Variants in PLEKHH3 observed in about 807,000 individuals in gnomAD.
PLEKHH3 encodes pleckstrin homology domain-containing family H member 3.
Under a neutral mutation model 77.8 loss-of-function variants are expected in PLEKHH3, and 57 were observed. The observed-to-expected ratio is 0.73, with a 90% confidence interval of 0.59 to 0.91. The LOEUF is 0.91. Ranked by LOEUF, PLEKHH3 falls within the 40% of genes least tolerant of loss-of-function variation. PLEKHH3 has a pLI of 0.00. For synonymous variants in PLEKHH3, 467 were observed against 504.8 expected (o/e 0.93, Z 1.00); for missense variants, 1,082 against 1,091.2 (o/e 0.99, Z 0.12).
chr17:42,674,755 C>T (rs1212193297), intron 1 of PLEKHH3: 1 of 274,382 alleles, frequency 3.6e-6, no homozygotes, highest in Non-Finnish European at 6.8e-6. Context: ...GAACCTTGGG[C>T]AAGTCTCTTC....
intron 2 of PLEKHH3, 56 bp downstream of exon 2, chr17:42,674,298 G>T: frequency 6.6e-7 from 1 of 1,506,052 alleles, no homozygotes; most frequent in Non-Finnish European, 8.9e-7. Context: ...GAGAGGATGG[G>T]GGTCCCGGGA....
chr17:42,676,379 G>A lies in PLEKHH3; in HGVS notation c.162+23C>T. The stretch of plus-strand genomic sequence containing the variant: ...GTTACAGCGAGAGTGATTGAGACGA[G>A]GCTCCGAACCCCCGGGACTTACCCT... On this transcript the variant is annotated intron_variant, in intron 1 of 12. Transcript: ENST00000591022. The surrounding 1 kb of genome is among the most constrained non-coding windows in gnomAD (Gnocchi z 6.6). 6.2e-7 allele frequency: 1 copy of A among 1,611,616 alleles called. No homozygotes were observed. Among genetic ancestry groups the A allele is most frequent in the Non-Finnish European group, 8.5e-7 (1 of 1,179,012 alleles).
chr17:42,670,390 AC>A lies in PLEKHH3; in HGVS notation c.1555-15del, dbSNP rs2052667078. On this transcript the variant is annotated splice_polypyrimidine_tract_variant and intron_variant, in intron 10 of 12. Coordinates refer to ENST00000591022, the MANE Select transcript of PLEKHH3 (RefSeq NM_024927.5). Reference sequence around the variant, plus strand: ...CAGAGCGTGAGCCTGCAGGGGAGGCACCCGGCGTCAGTGTACGAGCGGCGGC... The same window carrying A: ...CAGAGCGTGAGCCTGCAGGGGAGGCACCGGCGTCAGTGTACGAGCGGCGGC... The A allele has an allele frequency of 1.4e-6, 2 of 1,442,922 alleles. No homozygotes were observed. The highest frequency in any genetic ancestry group is 1.8e-6 in the Non-Finnish European group (2 of 1,106,268). 89.4% of individuals were successfully genotyped at this position (1,442,922 alleles called of 1,614,324 possible).
At chr17:42,674,150 TC>T (rs1237379469) in intron 2 of PLEKHH3, 137 bp from the exon 3 acceptor site, 1 of 1,113,718 alleles carries the variant, frequency 9.0e-7, no homozygotes, top group Non-Finnish European at 1.3e-6. Flanking sequence ...GCTGGGCCAT[TC>T]TGACCTCGAA....
Position 42,669,429 on chromosome 17 carries a change from C to T in PLEKHH3, c.2205+1G>A, listed in dbSNP as rs571544755. On this transcript the variant is annotated splice_donor_variant, in intron 12 of 12. Coordinates refer to ENST00000591022, the MANE Select transcript of PLEKHH3 (RefSeq NM_024927.5). LOFTEE classifies it high-confidence loss of function. ...CTCCCACAACTCCTCTTCTCACTCA[C>T]CTGGGGGCTCTGCAGGAGGAGCTGG... 2.6e-6 allele frequency: 4 copies of T among 1,536,512 alleles called. No homozygotes were observed. Among genetic ancestry groups the T allele is most frequent in the South Asian group, 2.5e-5 (2 of 80,136 alleles).
At chr17:42,668,533 C>T (rs2052607023) in intron 12 of PLEKHH3, 1 of 301,116 alleles carries the variant, frequency 3.3e-6, no homozygotes, top group Non-Finnish European at 6.1e-6. Flanking sequence ...TCTCAGCTCA[C>T]TGCAAGCTCC....
Position 42,671,627 on chromosome 17 carries a change from C to T in PLEKHH3, c.1077-69G>A. ...TTCTCCCCCTCCCTCTTGCCTGCTT[C>T]TCTTATAGTTTATTTTATCTAGCCG... On this transcript the variant is annotated intron_variant, in intron 7 of 12. Transcript: ENST00000591022. The surrounding 1 kb of genome is among the most constrained non-coding windows in gnomAD (Gnocchi z 4.7). 1 of 1,451,924 alleles carries T rather than the reference C, an allele frequency of 6.9e-7. No homozygotes were observed. The highest frequency in any genetic ancestry group is 9.3e-7 in the Non-Finnish European group (1 of 1,077,274). The allele number at this position is 1,451,924 out of a possible 1,614,324, so 89.9% of individuals were successfully genotyped here.
rs982166534 is a variant in PLEKHH3 at position 42,671,305 on chromosome 17, G to T, written c.1284+46C>A. On this transcript the variant is annotated intron_variant, in intron 8 of 12. Coordinates refer to ENST00000591022, the MANE Select transcript of PLEKHH3 (RefSeq NM_024927.5). This position sits in a 1 kb window ranked among gnomAD's most constrained non-coding sequence, Gnocchi z 4.7. ...GAAGAGGGAGAGACAGGCGTGAGAAGCTGGCAGGGTGGGTTGGAGGTCATG... is the reference window on the plus strand; with the variant it reads ...GAAGAGGGAGAGACAGGCGTGAGAATCTGGCAGGGTGGGTTGGAGGTCATG... 1.9e-6 allele frequency: 3 copies of T among 1,593,316 alleles called. No individual in the cohort carries two copies. Among genetic ancestry groups the T allele is most frequent in the Non-Finnish European group, 1.7e-6 (2 of 1,166,886 alleles).
At chr17:42,675,876 G>C (rs2052813561) in intron 1 of PLEKHH3, 1 of 1,002,820 alleles carries the variant, frequency 1.0e-6, no homozygotes. Flanking sequence ...AGGGTAATGA[G>C]GAGGGGTCCT....
Position 42,676,542 on chromosome 17 carries a change from A to C in PLEKHH3, c.22T>G (p.Trp8Gly). The C allele has an allele frequency of 6.4e-7, 1 of 1,572,198 alleles. No individual in the cohort carries two copies. Among genetic ancestry groups the C allele is most frequent in the Non-Finnish European group, 8.6e-7 (1 of 1,158,688 alleles). The change falls in exon 1 of 13, where the codon TGG becomes GGG. Residue 8 changes from tryptophan to glycine, a missense_variant. Trp to Gly is a radical substitution (Grantham distance 184, BLOSUM62 -2). Around this residue, in one of 3 missense-constraint regions of PLEKHH3, gnomAD observed 344 missense variants for 320.8 expected, o/e 1.07. Transcript: ENST00000591022. The surrounding 1 kb of genome is among the most constrained non-coding windows in gnomAD (Gnocchi z 6.6). MPLPGGL[W>G]WLLCCRRGFT... ...CCTCGACGGCAGCAGAGAAGCCACC[A>C]TAGTCCCCCGGGGAGAGGCATCCGG...
chr17:42,670,797 C>T (rs928573034), intron 9 of PLEKHH3, 92 bp from the exon 10 acceptor site: 2 of 1,359,660 alleles, frequency 1.5e-6, no homozygotes, highest in Non-Finnish European at 2.0e-6. Context: ...GTGTTTGGGG[C>T]GGGGCCTGGG....
intron 9 of PLEKHH3, 30 bp from the exon 10 acceptor site, chr17:42,670,735 G>A (rs1314979889): frequency 6.2e-7 from 1 of 1,600,136 alleles, no homozygotes; most frequent in East Asian, 2.2e-5. Flanking sequence ...GAAGCGCTAG[G>A]GAGAAGCCGG....
chr17:42,668,001 T>C lies in PLEKHH3; in HGVS notation c.*126A>G. 1.4e-6 allele frequency: 1 copy of C among 694,952 alleles called. No homozygotes were observed. Among genetic ancestry groups the C allele is most frequent in the Non-Finnish European group, 2.0e-6 (1 of 497,114 alleles). 43.0% of individuals were successfully genotyped at this position (694,952 alleles called of 1,614,324 possible). ...AAACTAGAAAATTACCCACACCCAT[T>C]GTAGCCCTTGGGTGTGGGATGTGCC... On this transcript the variant is annotated 3_prime_UTR_variant, in exon 13 of 13. Transcript: ENST00000591022.
At position 42,674,574 on chromosome 17, in the gene PLEKHH3, C is replaced by A. The variant is rs547982709; in HGVS notation, c.163-165G>T. 2.8e-3 allele frequency among the ~76,000 whole-genome samples: 423 copies of A among 152,346 alleles called. 2 individuals are homozygous for A. Among genetic ancestry groups the A allele is most frequent in the Middle Eastern group, 0.014 (4 of 294 alleles). On this transcript the variant is annotated intron_variant, in intron 1 of 12. Transcript: ENST00000591022. ...GCTGGAGCCCCTGGGCTCGCCCCTCCCGCCAGTCTTAACAGGACAAGCTCT... is the reference window on the plus strand; with the variant it reads ...GCTGGAGCCCCTGGGCTCGCCCCTCACGCCAGTCTTAACAGGACAAGCTCT...
intron 1 of PLEKHH3, among the ~76,000 whole-genome samples, chr17:42,675,050 A>G (rs1287702457): frequency 6.6e-6 from 1 of 152,134 alleles, no homozygotes; most frequent in African/African-American, 2.4e-5. Context: ...GGCCAGACTG[A>G]GGAATGGCAC....
chr17:42,671,269 C>G lies in PLEKHH3; in HGVS notation c.1284+82G>C. On this transcript the variant is annotated intron_variant, in intron 8 of 12. Coordinates refer to ENST00000591022, the MANE Select transcript of PLEKHH3 (RefSeq NM_024927.5). This position sits in a 1 kb window ranked among gnomAD's most constrained non-coding sequence, Gnocchi z 4.7. Reference sequence around the variant, plus strand: ...AAAATAATCTAGACTCGGGGCAAACCTAGGGTCCAGGAAGAGGGAGAGACA... The same window carrying G: ...AAAATAATCTAGACTCGGGGCAAACGTAGGGTCCAGGAAGAGGGAGAGACA... The G allele has an allele frequency of 1.3e-6, 2 of 1,555,914 alleles. No homozygotes were observed. The highest frequency in any genetic ancestry group is 2.4e-5 in the South Asian group (2 of 84,912).
Position 42,673,983 on chromosome 17 carries a change from G to T in PLEKHH3, c.249C>A (p.Leu83=). 1 of 1,613,486 alleles carries T rather than the reference G, an allele frequency of 6.2e-7. No homozygotes were observed. The highest frequency in any genetic ancestry group is 8.5e-7 in the Non-Finnish European group (1 of 1,179,934). ...CCTCCGGCAGCCCTTTCTCCGGGAT[G>T]AGGCTCCAAGTCTCCTCCCAGCTCT... The part of the protein sequence containing the change: ...RLQSWEETWS[L]IPEKGLPEDD... The change falls in exon 3 of 13, where the codon CTC becomes CTA. Residue 83 remains leucine (L), a synonymous_variant. Coordinates refer to ENST00000591022, the MANE Select transcript of PLEKHH3 (RefSeq NM_024927.5).
Position 42,669,984 on chromosome 17 carries a change from G to GTACC in PLEKHH3, c.1946_1947insGGTA (p.Tyr649Ter), listed in dbSNP as rs1429529335. 1.2e-6 allele frequency: 2 copies of GTACC among 1,610,124 alleles called. No homozygotes were observed. The highest frequency in any genetic ancestry group is 1.3e-5 in the African/African-American group (1 of 74,602). On this transcript the variant is annotated stop_gained and frameshift_variant, in exon 11 of 13. Coordinates refer to ENST00000591022, the MANE Select transcript of PLEKHH3 (RefSeq NM_024927.5). LOFTEE classifies it high-confidence loss of function. ...CCGGACACTGCGCCGCCAGGGCCAG[G>GTACC]TAGGCGGCCATGGCCTCAGCTCGGC... is the stretch of plus-strand genomic sequence containing the variant.
Position 42,670,262 on chromosome 17 carries a change from G to A in PLEKHH3, c.1669C>T (p.Pro557Ser), listed in dbSNP as rs752820931. ...QRDFSPRVPL[P>S]RLDRLLPPPA... ...GGCGGGAGCAGGCGGTCCAGGCGGG[G>A]CAGGGGCACCCGCGGAGAGAAGTCC... The change falls in exon 11 of 13, where the codon CCC becomes TCC. Residue 557 changes from proline (P) to serine (S), a missense_variant. Pro to Ser is a moderately conservative substitution (Grantham distance 74, BLOSUM62 -1). Around this residue, in one of 3 missense-constraint regions of PLEKHH3, gnomAD observed 733 missense variants for 750.0 expected, o/e 0.98. Coordinates refer to ENST00000591022, the MANE Select transcript of PLEKHH3 (RefSeq NM_024927.5). The A allele has an allele frequency of 5.4e-6, 7 of 1,286,540 alleles. No homozygotes were observed. In the South Asian group the frequency reaches 9.7e-5, roughly 18 times the overall value. 79.7% of individuals were successfully genotyped at this position (1,286,540 alleles called of 1,614,324 possible).
Sources: allele counts gnomAD v4.1 joint callset (sites outside exome capture counted in the v4.1 genomes callset), GRCh38; gene constraint gnomAD v4.1.1; regional missense constraint gnomAD v4.1.1; non-coding constraint Gnocchi (gnomAD v3.1); transcripts MANE v1.5; gene names NCBI Gene and HGNC (gene_info 2026-07-23, HGNC 2026-07-21).